SULF1: variants seen among roughly 807,000 people sequenced by gnomAD.
SULF1 encodes the protein extracellular sulfatase Sulf-1.
A neutral mutation model predicts 110.5 loss-of-function variants in SULF1; 46 were observed. That is an observed-to-expected ratio of 0.42 (90% confidence interval 0.33 to 0.53). SULF1 has a LOEUF of 0.53. SULF1 is among the 20% of genes least tolerant of loss of function. The pLI, the probability that SULF1 is intolerant of heterozygous loss-of-function variation, is 0.12. For missense variants in SULF1, 941 were observed against 1,094.2 expected (o/e 0.86, Z 1.98); for synonymous variants, 371 against 387.1 (o/e 0.96, Z 0.49).
intron 3 of SULF1, among the ~76,000 whole-genome samples, chr8:69,551,753 A>C (rs925918644): frequency 6.6e-6 from 1 of 152,180 alleles, no homozygotes. Flanking sequence ...GCTGTACTCT[A>C]GACCAGTACT....
intron 3 of SULF1, among the ~76,000 whole-genome samples, chr8:69,546,217 C>CA (rs967805479): frequency 1.4e-4 from 21 of 151,848 alleles, no homozygotes; most frequent in Non-Finnish European, 2.9e-4. Flanking sequence ...TCTACAACAG[C>CA]AAAAAAATGA....
chr8:69,469,892 A>C (rs1184725729), intron 1 of SULF1, among the ~76,000 whole-genome samples: 4 of 152,188 alleles, frequency 2.6e-5, no homozygotes, highest in African/African-American at 9.7e-5. Context: ...AAATACAAAA[A>C]TTAGCCAGGC....
intron 3 of SULF1, among the ~76,000 whole-genome samples, chr8:69,554,894 G>A (rs888193883): frequency 9.4e-5 from 14 of 148,822 alleles, no homozygotes; most frequent in African/African-American, 3.5e-4. Flanking sequence ...TAGGAGAATG[G>A]CGCGAACCTG....
chr8:69,467,988 T>C (rs1586179741), intron 1 of SULF1, among the ~76,000 whole-genome samples: 2 of 77,240 alleles, frequency 2.6e-5, no homozygotes, highest in African/African-American at 5.4e-5. Flanking sequence ...ATTTATAGTA[T>C]TAAAAAAAAG....
intron 3 of SULF1, among the ~76,000 whole-genome samples, chr8:69,540,221 G>A (rs1033140040): frequency 6.6e-6 from 1 of 152,146 alleles, no homozygotes; most frequent in Non-Finnish European, 1.5e-5. Flanking sequence ...TAAAACGATG[G>A]TTGTGCCACT....
At chr8:69,521,841 TAAAAA>T (rs75983618) in intron 3 of SULF1, among the ~76,000 whole-genome samples, 2 of 110,222 alleles carry the variant, frequency 1.8e-5, no homozygotes. Flanking sequence ...TGGGCCAAGG[TAAAAA>T]AAAAAAAAAA....
chr8:69,650,282 A>G (rs150696541), intron 22 of SULF1, among the ~76,000 whole-genome samples: 4 of 151,968 alleles, frequency 2.6e-5, no homozygotes, highest in African/African-American at 7.3e-5. Context: ...GATTACAGTC[A>G]TGAACCATCG....
chr8:69,609,491 A>C (rs1339552801), intron 13 of SULF1, among the ~76,000 whole-genome samples: 1 of 152,256 alleles, frequency 6.6e-6, no homozygotes, highest in Middle Eastern at 3.2e-3. Flanking sequence ...CGAGGTTAAG[A>C]ATCACAGGCC....
At chr8:69,633,328 C>CT (rs200590898) in intron 19 of SULF1, among the ~76,000 whole-genome samples, 4,503 of 134,070 alleles carry the variant, frequency 0.034, 227 homozygotes, top group African/African-American at 0.11. Flanking sequence ...TCAGGACATT[C>CT]TTTTTTTTTT....
At chr8:69,560,998 A>G (rs569253708) in intron 3 of SULF1, among the ~76,000 whole-genome samples, 6 of 152,334 alleles carry the variant, frequency 3.9e-5, no homozygotes, top group South Asian at 2.1e-4. Flanking sequence ...AAGCTGACCA[A>G]AAGTTCCAAA....
intron 1 of SULF1, among the ~76,000 whole-genome samples, chr8:69,494,613 G>T (rs1810196526): frequency 6.6e-6 from 1 of 152,088 alleles, no homozygotes; most frequent in South Asian, 2.1e-4. Context: ...TACCTAATTT[G>T]ATTACAAAGA....
chr8:69,550,749 G>A (rs80089511), intron 3 of SULF1, among the ~76,000 whole-genome samples: 1,731 of 152,244 alleles, frequency 0.011, 27 homozygotes, highest in African/African-American at 0.04. Context: ...ATCAGACCAC[G>A]TGTCCCAATT....
chr8:69,495,552 T>C (rs1810287654), intron 1 of SULF1, among the ~76,000 whole-genome samples: 1 of 152,166 alleles, frequency 6.6e-6, no homozygotes, highest in Non-Finnish European at 1.5e-5. Flanking sequence ...CCAAATGAAT[T>C]TTTTTCTCAT....
intron 3 of SULF1, among the ~76,000 whole-genome samples, chr8:69,539,049 G>T (rs16936039): frequency 0.11 from 17,236 of 152,154 alleles, 1,791 homozygotes; most frequent in East Asian, 0.38. Context: ...GCTGGATCCC[G>T]TCTAGTGTCC....
chr8:69,521,818 G>C (rs1014896242), intron 3 of SULF1, among the ~76,000 whole-genome samples: 40 of 151,130 alleles, frequency 2.6e-4, no homozygotes, highest in African/African-American at 9.7e-4. Context: ...TCATGTTGTG[G>C]GTAGATGATA....
intron 13 of SULF1, among the ~76,000 whole-genome samples, chr8:69,611,617 A>C (rs1210722157): frequency 6.6e-6 from 1 of 152,230 alleles, no homozygotes; most frequent in Non-Finnish European, 1.5e-5. Context: ...TATTTTAAAC[A>C]CATGTCCACA....
chr8:69,642,384 A>G (rs1299933064), intron 22 of SULF1: 3 of 986,954 alleles, frequency 3.0e-6, no homozygotes. Context: ...ACTTTTGGGT[A>G]TATGTTATAG....
chr8:69,642,250 C>G, intron 22 of SULF1: 2 of 986,984 alleles, frequency 2.0e-6, no homozygotes, highest in Non-Finnish European at 2.4e-6. Context: ...GTACCCTGTT[C>G]GGCCCCTCTA....
At chr8:69,470,400 A>C (rs1472089574) in intron 1 of SULF1, among the ~76,000 whole-genome samples, 1 of 152,144 alleles carries the variant, frequency 6.6e-6, no homozygotes, top group Non-Finnish European at 1.5e-5. Flanking sequence ...GTCCTGAAAT[A>C]TGTTTCCTAT....
Sources: allele counts gnomAD v4.1 joint callset (sites outside exome capture counted in the v4.1 genomes callset), GRCh38; gene constraint gnomAD v4.1.1; transcripts MANE v1.5; gene names NCBI Gene and HGNC (gene_info 2026-07-23, HGNC 2026-07-21).